PCDHGA2: variants seen among roughly 807,000 people sequenced by gnomAD.
The protein encoded by PCDHGA2 is protocadherin gamma-A2.
A neutral mutation model predicts 59.2 loss-of-function variants in PCDHGA2; 40 were observed. The ratio of observed to expected loss-of-function variants is 0.68; its 90% CI spans 0.52 to 0.88. The LOEUF (loss-of-function observed/expected upper bound fraction) is 0.88. PCDHGA2 is among the 40% of genes least tolerant of loss of function. PCDHGA2 has a pLI of 0.00. For missense variants in PCDHGA2, 1,226 were observed against 1,204.0 expected (o/e 1.02, Z -0.27); for synonymous variants, 560 against 526.0 (o/e 1.06, Z -0.89).
rs553587727 is a variant in PCDHGA2, at chr5:141,419,523, G to A, written c.2425-75284G>A. The A allele has an allele frequency of 2.1e-4, 343 of 1,612,204 alleles. 3 individuals are homozygous for A. The South Asian group carries it at 3.5e-3, about 17-fold the overall frequency. ...AGCCTGCGCGTGTTGGTGGGCGACC[G>A]TAACGACAACGCACCGCGGGTGCTG... On this transcript the variant is annotated intron_variant, in intron 1 of 3. Coordinates refer to ENST00000394576, the MANE Select transcript of PCDHGA2 (RefSeq NM_018915.4).
At chr5:141,424,776 A>C (rs1406581367) in intron 1 of PCDHGA2, 2 of 152,154 alleles carry the variant, frequency 1.3e-5, no homozygotes, top group African/African-American at 4.8e-5. Context: ...CAAATAGTAC[A>C]TTCAGTTCTT....
chr5:141,361,548 C>A lies in PCDHGA2; in HGVS notation c.2424+20153C>A, dbSNP rs374369531. The A allele has an allele frequency of 5.5e-5, 88 of 1,613,976 alleles. 1 individual carries two copies. Among genetic ancestry groups the A allele is most frequent in the South Asian group, 2.1e-4 (19 of 91,092 alleles). ...AGAACAATCCTCCTGGCGCCTCTAT[C>A]GCTCAAATCAGTGCCTCTGACCCTG... On this transcript the variant is annotated intron_variant, in intron 1 of 3. Coordinates refer to ENST00000394576, the MANE Select transcript of PCDHGA2 (RefSeq NM_018915.4).
At chr5:141,363,413 A>G (rs1762914812) in intron 1 of PCDHGA2, among the ~76,000 whole-genome samples, 1 of 152,194 alleles carries the variant, frequency 6.6e-6, no homozygotes, top group Admixed American at 6.5e-5. Context: ...GATAGCAGTA[A>G]ATATCTGTCT....
intron 1 of PCDHGA2, chr5:141,384,788 G>A: frequency 1.2e-6 from 2 of 1,613,236 alleles, no homozygotes; most frequent in Non-Finnish European, 1.7e-6. Context: ...CGCACGGCTC[G>A]GGCCCTGCTG....
At position 141,403,424 on chromosome 5, in the gene PCDHGA2, A is replaced by G. The variant is rs771429615; in HGVS notation, c.2424+62029A>G. ...AGCACGTTATCCACTTCCAGAAGCT[A>G]TTGATCCGGATGTTGGCGTGAACTC... is the stretch of plus-strand genomic sequence containing the variant. On this transcript the variant is annotated intron_variant, in intron 1 of 3. Transcript: ENST00000394576. The G allele has an allele frequency of 3.1e-6, 5 of 1,613,932 alleles. No homozygotes were observed. In the African/African-American group the frequency reaches 4.0e-5, roughly 13 times the overall value.
intron 1 of PCDHGA2, chr5:141,372,273 C>A (rs201775561): frequency 5.4e-4 from 865 of 1,613,108 alleles, no homozygotes; most frequent in Non-Finnish European, 6.7e-4. Flanking sequence ...GGGTGAGGTG[C>A]GCACGGCGCG....
At chr5:141,351,725 G>T in intron 1 of PCDHGA2, 1 of 1,613,804 alleles carries the variant, frequency 6.2e-7, no homozygotes, top group Non-Finnish European at 8.5e-7. Context: ...CTCTATTCTG[G>T]CCAGTGACCT....
chr5:141,379,662 C>T (rs995589385), intron 1 of PCDHGA2: 1 of 152,126 alleles, frequency 6.6e-6, no homozygotes, highest in Non-Finnish European at 1.5e-5. Flanking sequence ...TCTACTCTCA[C>T]AAAAGTCATT....
At chr5:141,384,679 G>A (rs773664166) in intron 1 of PCDHGA2, 33 of 1,614,216 alleles carry the variant, frequency 2.0e-5, no homozygotes, top group Non-Finnish European at 2.7e-5. Flanking sequence ...GGTGGTGGCG[G>A]TGGACAAAGA....
intron 1 of PCDHGA2, chr5:141,360,018 A>T: frequency 3.3e-6 from 4 of 1,225,148 alleles, no homozygotes; most frequent in Non-Finnish European, 4.4e-6. Flanking sequence ...CACACAGAGA[A>T]GGCCAGTATA....
rs1174072440 is a variant in PCDHGA2, at chr5:141,438,581, TACATACATAC to T, written c.2425-56224_2425-56215del. Among the ~76,000 whole-genome samples, 141 of 49,790 alleles carry T rather than the reference TACATACATAC, an allele frequency of 2.8e-3. 1 individual carries two copies. Among genetic ancestry groups the T allele is most frequent in the African/African-American group, 0.014 (97 of 6,866 alleles). 32.7% of individuals were successfully genotyped at this position (49,790 alleles called of 152,430 possible). A position where few individuals can be genotyped will look rare whatever the true frequency, so the allele number is the denominator to read the frequency against. On this transcript the variant is annotated intron_variant, in intron 1 of 3. Coordinates refer to ENST00000394576, the MANE Select transcript of PCDHGA2 (RefSeq NM_018915.4). ...GAGGCAGCTGTCTGATATACATACA[TACATACATAC>T]ATATATATATATATATATATATATA...
Position 141,432,701 on chromosome 5 carries a change from G to A in PCDHGA2, c.2425-62106G>A, listed in dbSNP as rs200101512. ...GCAGAGCCTCGTAGTGGCCGTCCAG[G>A]ACCACGGCCAGCCCCCTCTCTCCGC... On this transcript the variant is annotated intron_variant, in intron 1 of 3. Coordinates refer to ENST00000394576, the MANE Select transcript of PCDHGA2 (RefSeq NM_018915.4). This position sits in a 1 kb window ranked among gnomAD's most constrained non-coding sequence, Gnocchi z 6.0. The A allele has an allele frequency of 2.7e-5, 44 of 1,613,842 alleles. No homozygotes were observed. The Admixed American group carries it at 5.3e-4, about 20-fold the overall frequency.
At chr5:141,423,029 A>C (rs1049470142) in intron 1 of PCDHGA2, 1 of 1,614,218 alleles carries the variant, frequency 6.2e-7, no homozygotes, top group Non-Finnish European at 8.5e-7. Context: ...GATTCAGGCC[A>C]GAACGCCTGG....
rs377138746 is a variant in PCDHGA2 at position 141,432,481 on chromosome 5, C to T, written c.2425-62326C>T. ...CCCTCCCCACGGACGGTTCCACTGG[C>T]GTGGAGCTGGCTCCCCGCTCCGCAG... On this transcript the variant is annotated intron_variant, in intron 1 of 3. Transcript: ENST00000394576. This position sits in a 1 kb window ranked among gnomAD's most constrained non-coding sequence, Gnocchi z 6.0. The T allele has an allele frequency of 1.1e-5, 17 of 1,614,198 alleles. No individual in the cohort carries two copies. The African/African-American group carries it at 1.7e-4, about 16-fold the overall frequency.
At position 141,453,908 on chromosome 5, in the gene PCDHGA2, A is replaced by T. The variant is rs1198219869; in HGVS notation, c.2425-40899A>T. On this transcript the variant is annotated intron_variant, in intron 1 of 3. Transcript: ENST00000394576. ...CCAATCACATGACTTCTTTCAAAGT[A>T]TGTCAGTGATCAGTCACTGTGTGCC... Among the ~76,000 whole-genome samples, 4 of 152,242 alleles carry T rather than the reference A, an allele frequency of 2.6e-5. No homozygotes were observed. The East Asian group carries it at 5.8e-4, about 22-fold the overall frequency.
At chr5:141,358,923 G>A (rs1175960333) in intron 1 of PCDHGA2, among the ~76,000 whole-genome samples, 1 of 152,194 alleles carries the variant, frequency 6.6e-6, no homozygotes, top group Non-Finnish European at 1.5e-5. Flanking sequence ...GTGTGTAGGG[G>A]ATATACAACA....
intron 1 of PCDHGA2, among the ~76,000 whole-genome samples, chr5:141,445,945 C>G (rs1433543714): frequency 1.3e-5 from 2 of 152,254 alleles, no homozygotes; most frequent in Non-Finnish European, 2.9e-5. Flanking sequence ...TAAGCTTACT[C>G]TGGCTGCTAT....
At chr5:141,433,381 A>ATCTG (rs1561869478) in intron 1 of PCDHGA2, among the ~76,000 whole-genome samples, 2 of 151,148 alleles carry the variant, frequency 1.3e-5, no homozygotes, top group Non-Finnish European at 2.9e-5. Flanking sequence ...CTATCTATCT[A>ATCTG]TCTATCTATC....
chr5:141,404,739 G>A, intron 1 of PCDHGA2: 1 of 1,614,092 alleles, frequency 6.2e-7, no homozygotes, highest in Non-Finnish European at 8.5e-7. Flanking sequence ...GCAGTGGACA[G>A]AGACTCAGGC....
Sources: allele counts gnomAD v4.1 joint callset (sites outside exome capture counted in the v4.1 genomes callset), GRCh38; gene constraint gnomAD v4.1.1; non-coding constraint Gnocchi (gnomAD v3.1); transcripts MANE v1.5; gene names NCBI Gene and HGNC (gene_info 2026-07-23, HGNC 2026-07-21).